The following RAB3GAP1 variants were observed in gnomAD, a reference collection of about 807,000 sequenced individuals.
RAB3GAP1 encodes RAB3 GTPase activating protein catalytic subunit 1, also known as rab3 GTPase-activating protein catalytic subunit.
In RAB3GAP1, 86 loss-of-function variants were observed where a neutral mutation model predicts 130.7. The observed-to-expected ratio is 0.66, with a 90% CI of 0.55 to 0.79. RAB3GAP1 has a LOEUF of 0.79. Among genes scored for constraint, RAB3GAP1 ranks in the 30% least tolerant of loss-of-function variants. The probability of loss-of-function intolerance (pLI) is 0.00; values close to 1 mark genes in which losing one functional copy is unlikely to be tolerated. For synonymous variants in RAB3GAP1, 367 were observed against 401.7 expected, an observed-to-expected ratio of 0.91 and a Z score of 1.03; for missense variants, 1,029 against 1,169.4, an observed-to-expected ratio of 0.88 and a Z score of 1.75.
chr2:135,057,936 C>G (rs1213586884), intron 2 of RAB3GAP1, 75 bp from the exon 3 acceptor site: 4 of 1,087,644 alleles, frequency 3.7e-6, no homozygotes, highest in Non-Finnish European at 5.5e-6. Flanking sequence ...TAAAAAATAC[C>G]TTTTTAAAGA....
chr2:135,162,709 T>A, intron 20 of RAB3GAP1, 39 bp from the exon 21 acceptor site: 2 of 1,605,942 alleles, frequency 1.2e-6, no homozygotes, highest in South Asian at 1.1e-5. Flanking sequence ...ATATTTTGCT[T>A]AATTTATTTA....
At chr2:135,153,450 A>G (rs779124365) in intron 18 of RAB3GAP1, among the ~76,000 whole-genome samples, 199 bp from the exon 19 acceptor site, 1 of 152,208 alleles carries the variant, frequency 6.6e-6, no homozygotes, top group African/African-American at 2.4e-5. Flanking sequence ...TTCTTTTTCT[A>G]TAAAGCTGAG....
chr2:135,114,996 T>G (rs751029118), intron 6 of RAB3GAP1, among the ~76,000 whole-genome samples: 5 of 152,248 alleles, frequency 3.3e-5, no homozygotes, highest in Non-Finnish European at 5.9e-5. Flanking sequence ...ATTTTCAGAC[T>G]AATCAAAGTA....
Position 135,168,814 on chromosome 2 carries a change from G to A in RAB3GAP1, c.*33G>A. 1 of 1,578,658 alleles carries A rather than the reference G, an allele frequency of 6.3e-7. No individual in the cohort carries two copies. Among genetic ancestry groups the A allele is most frequent in the South Asian group, 1.1e-5 (1 of 90,302 alleles). On this transcript the variant is annotated 3_prime_UTR_variant, in exon 24 of 24. Transcript: ENST00000264158. The stretch of plus-strand genomic sequence containing the variant: ...AGCATTACTCGTTGGTGGCTTCAGA[G>A]ACAGTGCTGCCTCCTCCTGAGGGAG...
chr2:135,134,518 T>C (rs1314631502), intron 15 of RAB3GAP1, among the ~76,000 whole-genome samples: 1 of 152,192 alleles, frequency 6.6e-6, no homozygotes, highest in Non-Finnish European at 1.5e-5. Flanking sequence ...AATAAACCTG[T>C]TTTTTGTAAT....
intron 3 of RAB3GAP1, among the ~76,000 whole-genome samples, chr2:135,079,008 C>T (rs1689710475): frequency 6.6e-6 from 1 of 152,088 alleles, no homozygotes; most frequent in Non-Finnish European, 1.5e-5. Flanking sequence ...GCTGGGATTA[C>T]AGGCACACGC....
intron 5 of RAB3GAP1, among the ~76,000 whole-genome samples, chr2:135,096,956 A>G (rs1442504689): frequency 1.3e-5 from 2 of 152,160 alleles, no homozygotes; most frequent in Non-Finnish European, 2.9e-5. Flanking sequence ...CTTTCTATAT[A>G]TTAATATAAA....
At chr2:135,132,457 AGT>A (rs1439574846) in intron 13 of RAB3GAP1, among the ~76,000 whole-genome samples, 3 of 152,216 alleles carry the variant, frequency 2.0e-5, no homozygotes, top group African/African-American at 7.2e-5. Context: ...ATCATCTCTT[AGT>A]AGTCTATATA....
chr2:135,173,753 AT>A (rs980437850), downstream of RAB3GAP1, among the ~76,000 whole-genome samples: 184 of 152,138 alleles, frequency 1.2e-3, no homozygotes, highest in African/African-American at 4.0e-3. Context: ...GCAGCTGCCA[AT>A]TTGCCTCAGT....
intron 5 of RAB3GAP1, among the ~76,000 whole-genome samples, chr2:135,104,828 G>A (rs1052171701): frequency 5.9e-5 from 9 of 152,160 alleles, no homozygotes; most frequent in Admixed American, 2.6e-4. Flanking sequence ...GGCGGAGGCC[G>A]CAGTAAGTTG....
At chr2:135,130,802 C>T (rs971205226) in intron 13 of RAB3GAP1, 81 bp downstream of exon 13, 3 of 1,330,640 alleles carry the variant, frequency 2.3e-6, no homozygotes, top group Non-Finnish European at 3.2e-6. Flanking sequence ...ATGTGGTAGG[C>T]AGTGACCTTG....
At chr2:135,082,275 C>G (rs1219948758) in intron 3 of RAB3GAP1, among the ~76,000 whole-genome samples, 2 of 151,798 alleles carry the variant, frequency 1.3e-5, no homozygotes, top group African/African-American at 4.8e-5. Flanking sequence ...CAACCATTAC[C>G]ATAATCAATT....
chr2:135,092,667 A>C (rs1558771784), intron 4 of RAB3GAP1, among the ~76,000 whole-genome samples: 1 of 152,262 alleles, frequency 6.6e-6, no homozygotes, highest in East Asian at 1.9e-4. Context: ...TGAACTCCTG[A>C]CCTCAGGTGA....
At chr2:135,072,067 C>G (rs2104843451) in intron 3 of RAB3GAP1, among the ~76,000 whole-genome samples, 1 of 152,276 alleles carries the variant, frequency 6.6e-6, no homozygotes, top group African/African-American at 2.4e-5. Context: ...TGTGCACCAC[C>G]ATGCCTGGCT....
At chr2:135,123,211 A>G (rs966900326) in intron 8 of RAB3GAP1, among the ~76,000 whole-genome samples, 2 of 152,222 alleles carry the variant, frequency 1.3e-5, no homozygotes, top group African/African-American at 4.8e-5. Flanking sequence ...TTGTACAGTT[A>G]TATTTTAGTA....
intron 3 of RAB3GAP1, among the ~76,000 whole-genome samples, chr2:135,064,753 TTG>T (rs1318852233): frequency 6.2e-4 from 91 of 147,582 alleles, no homozygotes; most frequent in African/African-American, 2.1e-3. Flanking sequence ...CTGAGGTGTT[TTG>T]TTTTTTTTTT....
chr2:135,074,212 A>C (rs1363848435), intron 3 of RAB3GAP1, among the ~76,000 whole-genome samples: 1 of 152,178 alleles, frequency 6.6e-6, no homozygotes, highest in East Asian at 1.9e-4. Flanking sequence ...ACGTGGGAGA[A>C]TTTAGAGTGA....
Position 135,135,277 on chromosome 2 carries a change from A to AC in RAB3GAP1, c.1517dup (p.Asp507ArgfsTer19). On this transcript the variant is annotated frameshift_variant, in exon 16 of 24. Coordinates refer to ENST00000264158, the MANE Select transcript of RAB3GAP1 (RefSeq NM_012233.3). LOFTEE classifies it high-confidence loss of function. ...CTTTATTTGATAGATTAGCAAGTGG[A>AC]CCCCCAGATCTGAGGTGTTGTTTAC... 6.2e-7 allele frequency: 1 copy of AC among 1,610,604 alleles called. No homozygotes were observed. Among genetic ancestry groups the AC allele is most frequent in the Non-Finnish European group, 8.5e-7 (1 of 1,176,920 alleles).
chr2:135,086,661 CTTTTTTTTTTT>C (rs59270938), intron 3 of RAB3GAP1, among the ~76,000 whole-genome samples: 1 of 65,068 alleles, frequency 1.5e-5, no homozygotes, highest in Non-Finnish European at 2.8e-5. Context: ...TTCCCCTAAT[CTTTTTTTTTTT>C]TTTTTTTTTT....
Sources: allele counts gnomAD v4.1 joint callset (sites outside exome capture counted in the v4.1 genomes callset), GRCh38; gene constraint gnomAD v4.1.1; transcripts MANE v1.5; gene names NCBI Gene and HGNC (gene_info 2026-07-23, HGNC 2026-07-21).